ZNF563: variants seen among roughly 807,000 people sequenced by gnomAD.
ZNF563 encodes zinc finger protein 563.
In ZNF563, 39 loss-of-function variants were observed where a neutral mutation model predicts 48.5. The ratio of observed to expected loss-of-function variants is 0.80; its 90% CI spans 0.62 to 1.05. ZNF563 has a LOEUF of 1.05. ZNF563 is among the 50% of genes least tolerant of loss of function. The pLI, the probability that ZNF563 is intolerant of heterozygous loss-of-function variation, is 0.00. For missense variants in ZNF563, 538 were observed against 597.0 expected, an observed-to-expected ratio of 0.90 and a Z score of 1.03; for synonymous variants, 168 against 187.9, an observed-to-expected ratio of 0.89 and a Z score of 0.87.
intron 1 of ZNF563, 141 bp from the exon 2 acceptor site, chr19:12,322,852 C>T (rs1968670529): frequency 3.2e-6 from 3 of 926,376 alleles, no homozygotes; most frequent in Admixed American, 3.6e-5. Flanking sequence ...ATTCTCTTTA[C>T]ACTCACTTTC....
At chr19:12,343,120 C>T in the ZNF563 span, among the ~76,000 whole-genome samples, 7 of 151,694 alleles carry the variant, frequency 4.6e-5, no homozygotes, top group African/African-American at 1.2e-4. Context: ...TCGCTTGAAC[C>T]GGGGAGGTGG....
chr19:12,335,360 CT>C (rs1969007032), upstream of ZNF563, among the ~76,000 whole-genome samples: 2 of 152,174 alleles, frequency 1.3e-5, no homozygotes, highest in Admixed American at 6.5e-5. Flanking sequence ...AAACATACTA[CT>C]CTAACTTTCC....
At chr19:12,347,072 G>C in the ZNF563 span, 2 of 152,174 alleles carry the variant, frequency 1.3e-5, no homozygotes, top group African/African-American at 4.8e-5. Context: ...CAGATGAGCA[G>C]TTCCAGTGGT....
At chr19:12,339,341 G>A in the ZNF563 span, among the ~76,000 whole-genome samples, 2 of 142,314 alleles carry the variant, frequency 1.4e-5, no homozygotes, top group Non-Finnish European at 3.0e-5. Flanking sequence ...GTACAATGGC[G>A]TGATCTCAGT....
the ZNF563 span, among the ~76,000 whole-genome samples, chr19:12,338,744 C>T: frequency 3.9e-5 from 6 of 151,926 alleles, no homozygotes; most frequent in Non-Finnish European, 8.8e-5. Flanking sequence ...CCCAGCTATT[C>T]GGGAGGCTGA....
the ZNF563 span, among the ~76,000 whole-genome samples, chr19:12,340,958 A>T: frequency 6.6e-6 from 1 of 152,182 alleles, no homozygotes; most frequent in Admixed American, 6.6e-5. Flanking sequence ...GGGAAAAAAA[A>T]AAAGAAAAGA....
chr19:12,335,834 T>C (rs1410420596), upstream of ZNF563, among the ~76,000 whole-genome samples: 5 of 152,268 alleles, frequency 3.3e-5, no homozygotes, highest in Non-Finnish European at 7.3e-5. Context: ...ACATTAAGCC[T>C]AAGCATTAAA....
chr19:12,340,601 C>G, the ZNF563 span, among the ~76,000 whole-genome samples: 1 of 152,054 alleles, frequency 6.6e-6, no homozygotes, highest in African/African-American at 2.4e-5. Context: ...TGGTGAAACC[C>G]TGTCTCTACT....
At position 12,319,036 on chromosome 19, in the gene ZNF563, C is replaced by G. The variant is rs767255403; in HGVS notation, c.989G>C (p.Arg330Thr). 1 of 1,614,050 alleles carries G rather than the reference C, an allele frequency of 6.2e-7. No homozygotes were observed. The highest frequency in any genetic ancestry group is 1.7e-5 in the Admixed American group (1 of 60,008). The change falls in exon 4 of 4, where the codon AGG (arginine) becomes ACG (threonine). Residue 330 changes from arginine (R) to threonine (T), a missense_variant. Transcript: ENST00000293725. ...HLGSFQIHMK[R>T]HTGDRPHKCK... ...TTTATGAGGTCGATCTCCAGTGTGC[C>G]TTTTCATGTGTATCTGAAAGCTTCC...
Position 12,318,230 on chromosome 19 carries a change from G to A in ZNF563, c.*364C>T, listed in dbSNP as rs574240866. The stretch of plus-strand genomic sequence containing the variant: ...TTGCCCAGGCAGGCCTCAAATTCCT[G>A]AGGTCAAGCAATTTGCCCACCCTAA... On this transcript the variant is annotated 3_prime_UTR_variant, in exon 4 of 4. Transcript: ENST00000293725. 969 of 238,254 alleles carry A rather than the reference G, an allele frequency of 4.1e-3. 14 individuals are homozygous for A. Among genetic ancestry groups the A allele is most frequent in the African/African-American group, 0.021 (920 of 43,232 alleles). 14.8% of individuals were successfully genotyped at this position (238,254 alleles called of 1,614,324 possible). A position where few individuals can be genotyped will look rare whatever the true frequency, so the allele number is the denominator to read the frequency against.
intron 2 of ZNF563, among the ~76,000 whole-genome samples, chr19:12,321,868 A>G (rs1301716130): frequency 6.6e-6 from 1 of 152,114 alleles, no homozygotes; most frequent in Non-Finnish European, 1.5e-5. Context: ...AGCCTTCTCA[A>G]TGTAAAGATA....
chr19:12,330,452 T>C (rs1310162938), intron 1 of ZNF563, among the ~76,000 whole-genome samples: 2 of 152,180 alleles, frequency 1.3e-5, no homozygotes, highest in Non-Finnish European at 1.5e-5. Context: ...CAATCTGGTA[T>C]AGCAATCCTA....
upstream of ZNF563, among the ~76,000 whole-genome samples, chr19:12,334,929 A>G (rs1052591209): frequency 6.6e-6 from 1 of 151,734 alleles, no homozygotes; most frequent in Admixed American, 6.6e-5. Flanking sequence ...ATAAACTGTC[A>G]AATTCATAAA....
intron 2 of ZNF563, among the ~76,000 whole-genome samples, chr19:12,321,638 T>A (rs1161419078): frequency 1.3e-5 from 2 of 152,260 alleles, no homozygotes; most frequent in South Asian, 2.1e-4. Context: ...GGAGACGGGG[T>A]TTCACCATGT....
At position 12,333,604 on chromosome 19, in the gene ZNF563, A is replaced by G. The variant is rs1290997960; in HGVS notation, c.-122T>C. On this transcript the variant is annotated 5_prime_UTR_variant, in exon 1 of 4. Coordinates refer to ENST00000293725, the MANE Select transcript of ZNF563 (RefSeq NM_145276.3). Reference sequence around the variant, plus strand: ...TCTCTCAGCGACTGAGGCTACACAGACGTTCCAGGGCGTCTCTCAGCGAGC... The same window carrying G: ...TCTCTCAGCGACTGAGGCTACACAGGCGTTCCAGGGCGTCTCTCAGCGAGC... 1 of 1,419,084 alleles carries G rather than the reference A, an allele frequency of 7.0e-7. No individual in the cohort carries two copies. The highest frequency in any genetic ancestry group is 9.6e-7 in the Non-Finnish European group (1 of 1,037,056). 87.9% of individuals were successfully genotyped at this position (1,419,084 alleles called of 1,614,324 possible). A position where few individuals can be genotyped will look rare whatever the true frequency, so the allele number is the denominator to read the frequency against.
chr19:12,333,501 T>C lies in ZNF563; in HGVS notation c.-19A>G. ...GCACCATTTCCCGGCTTCCGGGATG[T>C]TCCAGGGTCCTCCCTCTGCCTCCCG... On this transcript the variant is annotated 5_prime_UTR_variant, in exon 1 of 4. Coordinates refer to ENST00000293725, the MANE Select transcript of ZNF563 (RefSeq NM_145276.3). 6.2e-7 allele frequency: 1 copy of C among 1,613,682 alleles called. No homozygotes were observed. Among genetic ancestry groups the C allele is most frequent in the Non-Finnish European group, 8.5e-7 (1 of 1,179,830 alleles).
At chr19:12,321,217 T>C (rs1318183654) in intron 3 of ZNF563, 55 bp downstream of exon 3, 2 of 1,275,466 alleles carry the variant, frequency 1.6e-6, no homozygotes, top group Non-Finnish European at 2.2e-6. Flanking sequence ...TAAAATTTCC[T>C]TTTACTCTGA....
At chr19:12,324,733 A>G (rs925538301) in intron 1 of ZNF563, among the ~76,000 whole-genome samples, 2 of 151,598 alleles carry the variant, frequency 1.3e-5, no homozygotes, top group Admixed American at 1.3e-4. Flanking sequence ...AAAAAAAAAA[A>G]AAAAAAAAAA....
At chr19:12,330,482 C>T (rs992748703) in intron 1 of ZNF563, among the ~76,000 whole-genome samples, 2 of 152,126 alleles carry the variant, frequency 1.3e-5, no homozygotes, top group Admixed American at 6.6e-5. Flanking sequence ...GACAGGGAAG[C>T]GCTTTCTCTA....
Sources: allele counts gnomAD v4.1 joint callset (sites outside exome capture counted in the v4.1 genomes callset), GRCh38; gene constraint gnomAD v4.1.1; transcripts MANE v1.5; gene names NCBI Gene and HGNC (gene_info 2026-07-23, HGNC 2026-07-21).